CNBD2: variants seen among roughly 807,000 people sequenced by gnomAD.
CNBD2 encodes the protein cyclic nucleotide-binding domain-containing protein 2.
In CNBD2, 64 loss-of-function variants were observed where a neutral mutation model predicts 63.7. That is an observed-to-expected ratio of 1.00 (90% confidence interval 0.82 to 1.24). The LOEUF (loss-of-function observed/expected upper bound fraction) is 1.24, where lower values mean the gene tolerates loss of function less well. Among genes scored for constraint, CNBD2 ranks in the 50% most tolerant of loss-of-function variants. The pLI, the probability that CNBD2 is intolerant of heterozygous loss-of-function variation, is 0.00. For synonymous variants in CNBD2, 229 were observed against 255.4 expected (o/e 0.90, Z 0.99); for missense variants, 691 against 713.5 (o/e 0.97, Z 0.36).
At chr20:36,022,828 C>T (rs2057235193) in intron 10 of CNBD2, among the ~76,000 whole-genome samples, 1 of 150,838 alleles carries the variant, frequency 6.6e-6, no homozygotes, top group Non-Finnish European at 1.5e-5. Flanking sequence ...CCATGTTGCC[C>T]AGGCTGGTCT....
intron 8 of CNBD2, among the ~76,000 whole-genome samples, chr20:35,996,106 G>A (rs1400966901): frequency 9.9e-5 from 15 of 152,138 alleles, no homozygotes; most frequent in Admixed American, 9.8e-4. Context: ...TCTGCTATAT[G>A]CCATTCTAGT....
At chr20:35,957,405 G>A (rs2056267728), downstream of CNBD2, among the ~76,000 whole-genome samples, 1 of 152,026 alleles carries the variant, frequency 6.6e-6, no homozygotes, top group South Asian at 2.1e-4. Flanking sequence ...TGGGCAACAT[G>A]ATGAAACCCT....
chr20:35,996,900 T>A (rs2056833159), intron 8 of CNBD2, among the ~76,000 whole-genome samples: 2 of 152,196 alleles, frequency 1.3e-5, no homozygotes, highest in African/African-American at 2.4e-5. Flanking sequence ...ACTGTAGAGT[T>A]GGGATTCTAA....
At chr20:36,015,828 A>G (rs1242641664) in intron 10 of CNBD2, among the ~76,000 whole-genome samples, 1 of 152,270 alleles carries the variant, frequency 6.6e-6, no homozygotes, top group African/African-American at 2.4e-5. Flanking sequence ...TCCCTGCAGA[A>G]TAAATTTCAA....
chr20:35,992,649 T>C (rs1268776847), intron 7 of CNBD2, among the ~76,000 whole-genome samples: 1 of 152,182 alleles, frequency 6.6e-6, no homozygotes, highest in Non-Finnish European at 1.5e-5. Flanking sequence ...TCTGATTTAA[T>C]CATCAATGTG....
At chr20:36,023,513 C>CAAA in intron 10 of CNBD2, 89 bp from the exon 11 acceptor site, 1 of 1,196,064 alleles carries the variant, frequency 8.4e-7, no homozygotes, top group Non-Finnish European at 1.1e-6. Context: ...AACTCCGTCT[C>CAAA]AAAAAAAAAT....
In CNBD2 at chr20:35,972,717, A is replaced by T. The variant is rs1204773905; in HGVS notation, c.140A>T (p.Gln47Leu). ...GGCCTCAGGGGATTCCGGGAATATC[A>T]AATCATTGAGACTGCTCACTGGAAG... ...RQGLRGFREYQIIETAHWKHP... is the reference protein window; with the variant it reads ...RQGLRGFREYLIIETAHWKHP... The change falls in exon 2 of 12, where the codon CAA becomes CTA. Residue 47 changes from glutamine to leucine, a missense_variant. Transcript: ENST00000373973. 6.2e-7 allele frequency: 1 copy of T among 1,614,026 alleles called. No individual in the cohort carries two copies. The highest frequency in any genetic ancestry group is 1.7e-5 in the Admixed American group (1 of 60,000).
At chr20:36,016,141 A>G (rs764033421) in intron 10 of CNBD2, among the ~76,000 whole-genome samples, 21 of 152,196 alleles carry the variant, frequency 1.4e-4, no homozygotes, top group Non-Finnish European at 2.6e-4. Flanking sequence ...GAGGAAAATC[A>G]TGAGACAAAT....
At chr20:35,994,405 G>C (rs1601055374) in intron 7 of CNBD2, among the ~76,000 whole-genome samples, 1 of 78,822 alleles carries the variant, frequency 1.3e-5, no homozygotes, top group Non-Finnish European at 2.6e-5. Context: ...ATTTTGTGTT[G>C]CCATGTTGGC....
chr20:35,956,322 G>C (rs958150619), downstream of CNBD2, among the ~76,000 whole-genome samples: 1 of 152,074 alleles, frequency 6.6e-6, no homozygotes, highest in Non-Finnish European at 1.5e-5. Flanking sequence ...GTAAAAATTG[G>C]GAGATTTCAC....
chr20:35,954,931 C>G (rs2056237928), exon 1 of CNBD2: 2 of 236,866 alleles, frequency 8.4e-6, no homozygotes, highest in Non-Finnish European at 1.9e-5. Context: ...AGGGGCCCAT[C>G]TGGAGAAAGT....
At chr20:35,954,655 T>G, upstream of CNBD2, 1 of 1,260,336 alleles carries the variant, frequency 7.9e-7, no homozygotes, top group Non-Finnish European at 1.0e-6. Context: ...TGGTGGCGCC[T>G]CTGAGCGCCA....
chr20:35,962,163 T>TG, intron 2 of CNBD2, among the ~76,000 whole-genome samples: 1 of 152,066 alleles, frequency 6.6e-6, no homozygotes, highest in East Asian at 1.9e-4. Flanking sequence ...CGTCACCCTC[T>TG]GGCCACTGGA....
intron 4 of CNBD2, among the ~76,000 whole-genome samples, chr20:35,983,102 A>G (rs2147239149): frequency 6.6e-6 from 1 of 151,282 alleles, no homozygotes; most frequent in South Asian, 2.1e-4. Context: ...TAATCCCAGC[A>G]CTTTGCAAGG....
chr20:36,014,703 G>A (rs1384917924), intron 10 of CNBD2, among the ~76,000 whole-genome samples: 1 of 151,954 alleles, frequency 6.6e-6, no homozygotes, highest in African/African-American at 2.4e-5. Context: ...GTGATCATGG[G>A]TCACTGCAGC....
chr20:35,986,412 T>G (rs1299027167), intron 6 of CNBD2, among the ~76,000 whole-genome samples: 1 of 152,012 alleles, frequency 6.6e-6, no homozygotes, highest in Non-Finnish European at 1.5e-5. Flanking sequence ...CCTAGATAGG[T>G]CACGCCATTT....
At position 36,023,643 on chromosome 20, in the gene CNBD2, A is replaced by C. The variant is rs761984371; in HGVS notation, c.1311A>C (p.Thr437=). 2 of 1,613,058 alleles carry C rather than the reference A, an allele frequency of 1.2e-6. No homozygotes were observed. Among genetic ancestry groups the C allele is most frequent in the South Asian group, 1.1e-5 (1 of 90,864 alleles). The stretch of plus-strand genomic sequence containing the variant: ...TCCTTCCAGAGGGTGAATGCGACAC[A>C]CGACCCTTGATCCTGATGAGCCTGG... ...QAFLPEGECD[T]RPLILMSLGN... The change falls in exon 11 of 12, where the codon ACA becomes ACC. Residue 437 remains threonine, a synonymous_variant. Transcript: ENST00000373973.
intron 9 of CNBD2, among the ~76,000 whole-genome samples, chr20:36,010,774 GA>G (rs10709929): frequency 0.29 from 42,689 of 145,510 alleles, 7,178 homozygotes; most frequent in African/African-American, 0.47. Flanking sequence ...AGAAAAAAAA[GA>G]AAAAAAAAAA....
intron 8 of CNBD2, among the ~76,000 whole-genome samples, chr20:35,997,536 G>A (rs1164218813): frequency 6.6e-6 from 1 of 152,146 alleles, no homozygotes; most frequent in African/African-American, 2.4e-5. Flanking sequence ...TTTGAATACA[G>A]GGTCCTTCTC....
Sources: allele counts gnomAD v4.1 joint callset (sites outside exome capture counted in the v4.1 genomes callset), GRCh38; gene constraint gnomAD v4.1.1; transcripts MANE v1.5; gene names NCBI Gene and HGNC (gene_info 2026-07-23, HGNC 2026-07-21).